WDR93: variants seen among roughly 807,000 people sequenced by gnomAD.
The protein encoded by WDR93 is WD repeat domain 93.
A neutral mutation model predicts 82.9 loss-of-function variants in WDR93; 73 were observed. The observed-to-expected ratio is 0.88, with a 90% CI of 0.73 to 1.07. The LOEUF (loss-of-function observed/expected upper bound fraction) is 1.07. Among genes scored for constraint, WDR93 ranks in the 50% least tolerant of loss-of-function variants. The pLI, the probability that WDR93 is intolerant of heterozygous loss-of-function variation, is 0.00. For missense variants in WDR93, 738 were observed against 826.0 expected, an observed-to-expected ratio of 0.89 and a Z score of 1.31; for synonymous variants, 283 against 300.1, an observed-to-expected ratio of 0.94 and a Z score of 0.59.
intron 13 of WDR93, among the ~76,000 whole-genome samples, chr15:89,734,477 AC>A (rs1431669287): frequency 6.6e-6 from 1 of 152,178 alleles, no homozygotes; most frequent in Non-Finnish European, 1.5e-5. Context: ...GGAGAGGGCA[AC>A]CATAGCACAC....
chr15:89,731,966 C>T (rs1039210254), intron 12 of WDR93, among the ~76,000 whole-genome samples: 3 of 152,174 alleles, frequency 2.0e-5, no homozygotes, highest in Admixed American at 6.5e-5. Flanking sequence ...TGTCTCATCC[C>T]CAGTCAGCGC....
chr15:89,718,126 A>T (rs181930069), intron 7 of WDR93, among the ~76,000 whole-genome samples: 22 of 152,118 alleles, frequency 1.4e-4, no homozygotes, highest in African/African-American at 4.8e-4. Context: ...GGATCTCTTG[A>T]GCTCAGGAAT....
At chr15:89,717,006 T>TTTAAAAA (rs1966281620) in intron 7 of WDR93, 57 bp downstream of exon 7, 4 of 1,074,040 alleles carry the variant, frequency 3.7e-6, no homozygotes, top group Non-Finnish European at 3.9e-6. Context: ...TTAGAGATTT[T>TTTAAAAA]TTAAAAATTA....
At position 89,729,747 on chromosome 15, in the gene WDR93, C is replaced by T; in HGVS notation, c.1188C>T (p.Asn396=). 1.9e-6 allele frequency: 3 copies of T among 1,613,594 alleles called. 1 individual carries two copies. Among genetic ancestry groups the T allele is most frequent in the Middle Eastern group, 3.4e-4 (2 of 5,938 alleles). Residue 396 remains asparagine (N), a synonymous_variant, in exon 11 of 17, where the codon AAC becomes AAT. Coordinates refer to ENST00000268130, the MANE Select transcript of WDR93 (RefSeq NM_020212.2). ...ACAATTTCTTCCTGTATTCACTAAA[C>T]CGAACTCTAAAGGATAAAGCTGGTA... ...RSHNFFLYSL[N]RTLKDKADPE... is the part of the protein sequence containing the mutation.
chr15:89,691,719 C>CAAAAA (rs1163420460), intron 1 of WDR93, among the ~76,000 whole-genome samples: 2 of 94,338 alleles, frequency 2.1e-5, no homozygotes, highest in Non-Finnish European at 4.9e-5. Flanking sequence ...GACGCTGTCT[C>CAAAAA]AAAAAAATAA....
upstream of WDR93, chr15:89,690,663 G>C: frequency 6.5e-7 from 1 of 1,535,712 alleles, no homozygotes; most frequent in Non-Finnish European, 8.8e-7. Flanking sequence ...CGAGTCGCAC[G>C]GGGCTCAGGC....
intron 12 of WDR93, among the ~76,000 whole-genome samples, chr15:89,732,759 C>G (rs1004305116): frequency 2.0e-5 from 3 of 152,102 alleles, no homozygotes; most frequent in African/African-American, 7.2e-5. Flanking sequence ...GCTGACCCTG[C>G]CCTCCTCCAT....
intron 8 of WDR93, among the ~76,000 whole-genome samples, chr15:89,723,455 C>G (rs1430938310): frequency 6.6e-6 from 1 of 151,892 alleles, no homozygotes; most frequent in African/African-American, 2.4e-5. Flanking sequence ...TCAAGAACAA[C>G]CCCCCGAAAA....
chr15:89,729,406 G>T (rs985115962), intron 10 of WDR93, among the ~76,000 whole-genome samples: 5 of 152,134 alleles, frequency 3.3e-5, no homozygotes, highest in Non-Finnish European at 7.4e-5. Flanking sequence ...AACACTGAGG[G>T]TGTGAATTTT....
intron 1 of WDR93, among the ~76,000 whole-genome samples, chr15:89,693,363 T>C (rs1195068397): frequency 6.6e-6 from 1 of 152,244 alleles, no homozygotes; most frequent in East Asian, 1.9e-4. Context: ...TGGTGGACAT[T>C]GGGTTGTTTC....
intron 1 of WDR93, among the ~76,000 whole-genome samples, chr15:89,700,167 A>G (rs1421282818): frequency 6.6e-6 from 1 of 152,194 alleles, no homozygotes; most frequent in Non-Finnish European, 1.5e-5. Flanking sequence ...TTTTCCCACG[A>G]CCGAGGCAAG....
chr15:89,699,483 C>G (rs1018686528), intron 1 of WDR93, among the ~76,000 whole-genome samples: 2 of 151,954 alleles, frequency 1.3e-5, no homozygotes, highest in African/African-American at 4.8e-5. Context: ...TTTTTCTTCT[C>G]AAATCTGTGG....
chr15:89,698,981 G>A (rs530036907), intron 1 of WDR93, among the ~76,000 whole-genome samples: 3 of 151,814 alleles, frequency 2.0e-5, no homozygotes, highest in South Asian at 2.1e-4. Context: ...TTGACCTCTC[G>A]GGCTCAAGTG....
Position 89,732,887 on chromosome 15 carries a change from G to T in WDR93, c.1331-119G>T, listed in dbSNP as rs995881416. On this transcript the variant is annotated intron_variant, in intron 12 of 16. Coordinates refer to ENST00000268130, the MANE Select transcript of WDR93 (RefSeq NM_020212.2). ...GATTTTCTCTCACAGGGTGCTCATT[G>T]CTTGATTTTGCCTTCACATCCTACA... 9.1e-6 allele frequency: 8 copies of T among 876,736 alleles called. 1 individual carries two copies. The highest frequency in any genetic ancestry group is 9.1e-5 in the South Asian group (6 of 66,070). 54.3% of individuals were successfully genotyped at this position (876,736 alleles called of 1,614,324 possible).
Position 89,743,423 on chromosome 15 carries a change from A to G in WDR93, c.*32A>G. The G allele has an allele frequency of 6.2e-7, 1 of 1,608,772 alleles. No homozygotes were observed. Among genetic ancestry groups the G allele is most frequent in the Non-Finnish European group, 8.5e-7 (1 of 1,175,504 alleles). On this transcript the variant is annotated 3_prime_UTR_variant, in exon 17 of 17. Transcript: ENST00000268130. Reference sequence around the variant, plus strand: ...CACCGCCCTGGGATCTCTGAAAAGGAGGTTTCAGCCACGAGGCAGCTGCTC... The same window carrying G: ...CACCGCCCTGGGATCTCTGAAAAGGGGGTTTCAGCCACGAGGCAGCTGCTC...
Position 89,741,740 on chromosome 15 carries a change from A to G in WDR93, c.1962-1552A>G, listed in dbSNP as rs116469169. On this transcript the variant is annotated intron_variant, in intron 16 of 16. Transcript: ENST00000268130. ...TATAACCGGTTATATAAATCTAAAT[A>G]TAAAACCTATCTCCAATACTTTTTT... Among the ~76,000 whole-genome samples, 1,221 of 152,122 alleles carry G rather than the reference A, an allele frequency of 8.0e-3. 16 individuals are homozygous for G. The highest frequency in any genetic ancestry group is 0.027 in the African/African-American group (1,137 of 41,452).
At chr15:89,707,813 G>A (rs1035503710) in intron 4 of WDR93, among the ~76,000 whole-genome samples, 2 of 152,144 alleles carry the variant, frequency 1.3e-5, no homozygotes, top group African/African-American at 4.8e-5. Flanking sequence ...AGAAATGAAA[G>A]TGTATGCCCA....
chr15:89,690,834 G>C lies in WDR93; in HGVS notation c.-64G>C. ...TCAAGCCGGAAGTTGTGGTTACCAA[G>C]GCGACGCAACGCCGCCCGGCCAGGT... On this transcript the variant is annotated 5_prime_UTR_variant, in exon 1 of 17. Transcript: ENST00000268130. 1.8e-6 allele frequency: 1 copy of C among 557,662 alleles called. No homozygotes were observed. The allele number at this position is 557,662 out of a possible 1,614,324, so 34.5% of individuals were successfully genotyped here. A position where few individuals can be genotyped will look rare whatever the true frequency, so the allele number is the denominator to read the frequency against.
intron 6 of WDR93, 65 bp from the exon 7 acceptor site, chr15:89,716,846 G>C (rs1249947658): frequency 1.7e-6 from 2 of 1,150,154 alleles, no homozygotes; most frequent in Non-Finnish European, 2.5e-6. Context: ...CATGCCAGAA[G>C]ATTAAAGGGG....
Sources: allele counts gnomAD v4.1 joint callset (sites outside exome capture counted in the v4.1 genomes callset), GRCh38; gene constraint gnomAD v4.1.1; transcripts MANE v1.5; gene names NCBI Gene and HGNC (gene_info 2026-07-23, HGNC 2026-07-21).